Variants in VWA8 observed in about 807,000 individuals in gnomAD.
VWA8 encodes von Willebrand factor A domain-containing protein 8.
A neutral mutation model predicts 241.5 loss-of-function variants in VWA8; 221 were observed. The ratio of observed to expected loss-of-function variants is 0.91; its 90% confidence interval spans 0.82 to 1.02. The LOEUF (loss-of-function observed/expected upper bound fraction) is 1.02, where lower values mean the gene tolerates loss of function less well. Among genes scored for constraint, VWA8 ranks in the 50% least tolerant of loss-of-function variants. The pLI is 0.00. For missense variants in VWA8, 2,322 were observed against 2,328.7 expected, an observed-to-expected ratio of 1.00 and a Z score of 0.06; for synonymous variants, 852 against 827.1, an observed-to-expected ratio of 1.03 and a Z score of -0.52.
chr13:41,735,138 TCA>T (rs1451825180), intron 21 of VWA8, among the ~76,000 whole-genome samples: 10 of 152,260 alleles, frequency 6.6e-5, no homozygotes, highest in African/African-American at 2.4e-4. Context: ...ATAGATGTGT[TCA>T]CACAGATTGT....
At chr13:41,674,147 T>C (rs2045044152) in intron 36 of VWA8, among the ~76,000 whole-genome samples, 1 of 152,216 alleles carries the variant, frequency 6.6e-6, no homozygotes, top group Non-Finnish European at 1.5e-5. Context: ...TTTATTTCTT[T>C]GAATGATTTT....
intron 12 of VWA8, among the ~76,000 whole-genome samples, chr13:41,848,027 G>A (rs1347305841): frequency 6.6e-6 from 1 of 152,148 alleles, no homozygotes; most frequent in Non-Finnish European, 1.5e-5. Flanking sequence ...AAATGTTCAT[G>A]GTTACAGTAG....
At chr13:41,646,303 G>C (rs2044832048) in intron 37 of VWA8, among the ~76,000 whole-genome samples, 1 of 152,098 alleles carries the variant, frequency 6.6e-6, no homozygotes, top group Admixed American at 6.5e-5. Flanking sequence ...TTGAACAATG[G>C]AACCTAATCT....
rs925839447 is a variant in VWA8, at chr13:41,771,378, C to T, written c.2349+6607G>A. Among the ~76,000 whole-genome samples the T allele has an allele frequency of 6.6e-5, 10 of 152,170 alleles. No homozygotes were observed. In the East Asian group the frequency reaches 1.7e-3, roughly 26 times the overall value. On this transcript the variant is annotated intron_variant, in intron 20 of 44. Coordinates refer to ENST00000379310, the MANE Select transcript of VWA8 (RefSeq NM_015058.2). ...CCTCAGGTGATCCGCCCACCTTGGC[C>T]TCCCAAAGGGCTGGGATTACAGGCG...
At chr13:41,697,063 T>C (rs909628058) in intron 29 of VWA8, among the ~76,000 whole-genome samples, 8 of 152,226 alleles carry the variant, frequency 5.3e-5, no homozygotes, top group Non-Finnish European at 8.8e-5. Context: ...CTGAATCTAA[T>C]ATCATCTGAG....
At chr13:41,876,627 C>T (rs1222980021) in intron 9 of VWA8, among the ~76,000 whole-genome samples, 1 of 152,078 alleles carries the variant, frequency 6.6e-6, no homozygotes, top group Non-Finnish European at 1.5e-5. Context: ...ATAAGCTCCA[C>T]GAAGGTAGAA....
At chr13:41,682,252 G>A (rs907917488) in intron 35 of VWA8, among the ~76,000 whole-genome samples, 15 of 152,150 alleles carry the variant, frequency 9.9e-5, no homozygotes, top group African/African-American at 3.6e-4. Context: ...GAGGTCTAAA[G>A]GCAGTGCAAA....
intron 20 of VWA8, among the ~76,000 whole-genome samples, chr13:41,764,561 G>C (rs2137911174): frequency 6.6e-6 from 1 of 152,250 alleles, no homozygotes; most frequent in African/African-American, 2.4e-5. Context: ...TAAGGGCTCA[G>C]GAAGGCCGAC....
At chr13:41,955,093 T>C (rs560253779) in intron 1 of VWA8, among the ~76,000 whole-genome samples, 1 of 152,300 alleles carries the variant, frequency 6.6e-6, no homozygotes, top group African/African-American at 2.4e-5. Context: ...TTTTCTTAAG[T>C]ATTGTTTTTA....
intron 2 of VWA8, among the ~76,000 whole-genome samples, chr13:41,914,171 C>A (rs560281173): frequency 1.8e-4 from 27 of 152,134 alleles, no homozygotes; most frequent in African/African-American, 5.8e-4. Flanking sequence ...CCAGCCTGGG[C>A]GACAAAGTGA....
intron 2 of VWA8, among the ~76,000 whole-genome samples, chr13:41,947,881 G>A (rs540546725): frequency 5.6e-5 from 7 of 124,748 alleles, no homozygotes; most frequent in Admixed American, 1.1e-4. Context: ...GCAGTGAGCC[G>A]ACATTGCACC....
intron 2 of VWA8, among the ~76,000 whole-genome samples, chr13:41,922,046 T>A (rs1019492509): frequency 1.3e-5 from 2 of 152,160 alleles, no homozygotes; most frequent in Admixed American, 1.3e-4. Context: ...ACTACAAGGC[T>A]ACAGGAACCA....
intron 35 of VWA8, 25 bp from the exon 36 acceptor site, chr13:41,675,321 CA>C: frequency 6.4e-7 from 1 of 1,562,424 alleles, no homozygotes; most frequent in South Asian, 1.1e-5. Flanking sequence ...TGACATGAGC[CA>C]AGTATTAAAT....
intron 26 of VWA8, among the ~76,000 whole-genome samples, chr13:41,715,183 T>C (rs2045340671): frequency 6.6e-6 from 1 of 151,972 alleles, no homozygotes; most frequent in South Asian, 2.1e-4. Flanking sequence ...CTTGGAAATA[T>C]GTCTGGTACG....
At chr13:41,626,068 T>G (rs1423313095) in intron 37 of VWA8, among the ~76,000 whole-genome samples, 1 of 113,252 alleles carries the variant, frequency 8.8e-6, no homozygotes, top group African/African-American at 3.5e-5. Flanking sequence ...AACATCACAC[T>G]CTGGGGACTG....
intron 20 of VWA8, 31 bp downstream of exon 20, chr13:41,777,954 C>G (rs762308247): frequency 9.7e-6 from 15 of 1,552,314 alleles, no homozygotes; most frequent in African/African-American, 1.4e-5. Flanking sequence ...ATCATTTTTT[C>G]ATTGGTACCT....
chr13:41,749,061 G>A (rs1264833908), intron 21 of VWA8, among the ~76,000 whole-genome samples: 1 of 152,124 alleles, frequency 6.6e-6, no homozygotes, highest in Non-Finnish European at 1.5e-5. Context: ...TACCATCAGA[G>A]TGAACAGGCA....
At chr13:41,790,310 C>T (rs1869397894) in intron 17 of VWA8, among the ~76,000 whole-genome samples, 1 of 151,994 alleles carries the variant, frequency 6.6e-6, no homozygotes, top group African/African-American at 2.4e-5. Context: ...ATGATTAGTT[C>T]GATCAGACTT....
intron 12 of VWA8, among the ~76,000 whole-genome samples, chr13:41,841,115 T>C (rs981321105): frequency 4.6e-5 from 7 of 152,192 alleles, no homozygotes; most frequent in Non-Finnish European, 5.9e-5. Flanking sequence ...AGGAGCCAGA[T>C]TGTCCTCAAG....
Sources: gnomAD v4.1 joint callset for allele counts (sites outside exome capture counted in the v4.1 genomes callset) on GRCh38, gnomAD v4.1.1 for gene constraint, MANE v1.5 for transcripts, NCBI Gene and HGNC (gene_info 2026-07-23, HGNC 2026-07-21) for gene names.